NKAIN2: variants seen among roughly 807,000 people sequenced by gnomAD.
NKAIN2 encodes sodium/potassium transporting ATPase interacting 2, also known as sodium/potassium-transporting ATPase subunit beta-1-interacting protein 2.
NKAIN2 carries 14 observed loss-of-function variants against 32.6 expected under a neutral mutation model. The observed-to-expected ratio is 0.43, with a 90% confidence interval of 0.28 to 0.67. The LOEUF (loss-of-function observed/expected upper bound fraction) is 0.67, where lower values mean the gene tolerates loss of function less well. Ranked by LOEUF, NKAIN2 falls within the 30% of genes least tolerant of loss-of-function variation. The probability of loss-of-function intolerance (pLI) is 0.17; values close to 1 mark genes in which losing one functional copy is unlikely to be tolerated. For synonymous variants in NKAIN2, 80 were observed against 87.2 expected (o/e 0.92, Z 0.46); for missense variants, 198 against 258.3 (o/e 0.77, Z 1.60).
intron 3 of NKAIN2, among the ~76,000 whole-genome samples, chr6:124,357,236 C>A (rs1799025128): frequency 1.3e-5 from 2 of 151,702 alleles, no homozygotes; most frequent in Admixed American, 1.3e-4. Context: ...AACAAATAAC[C>A]TAAAAAAAAA....
intron 1 of NKAIN2, among the ~76,000 whole-genome samples, chr6:123,893,094 C>T (rs1369178794): frequency 6.6e-6 from 1 of 152,056 alleles, no homozygotes; most frequent in Non-Finnish European, 1.5e-5. Flanking sequence ...ACTGCTCTTT[C>T]ACTGAAACTC....
chr6:124,628,643 A>C (rs1382866108), intron 3 of NKAIN2, among the ~76,000 whole-genome samples: 1 of 151,954 alleles, frequency 6.6e-6, no homozygotes, highest in Non-Finnish European at 1.5e-5. Context: ...TCTAATTAGT[A>C]ATAAACAGAT....
At chr6:124,735,380 G>GA (rs1210718742) in intron 4 of NKAIN2, among the ~76,000 whole-genome samples, 2 of 151,812 alleles carry the variant, frequency 1.3e-5, no homozygotes, top group Admixed American at 6.6e-5. Context: ...AAGAATAAAT[G>GA]AAAAAATCTG....
chr6:124,437,871 G>GTTTTTTTTTTTTTTTTT (rs751652394), intron 3 of NKAIN2: 1 of 328,790 alleles, frequency 3.0e-6, no homozygotes, highest in African/African-American at 2.9e-5. Flanking sequence ...CTGATCTATT[G>GTTTTTTTTTTTTTTTTT]ATTTTTTTTT....
intron 1 of NKAIN2, among the ~76,000 whole-genome samples, chr6:123,867,695 C>CAA (rs1772609322): frequency 6.6e-6 from 1 of 152,150 alleles, no homozygotes; most frequent in African/African-American, 2.4e-5. Flanking sequence ...TGTACTTTGA[C>CAA]ACCTTTGTTT....
intron 2 of NKAIN2, among the ~76,000 whole-genome samples, chr6:124,304,569 C>T (rs369034023): frequency 7.9e-5 from 12 of 152,130 alleles, no homozygotes; most frequent in East Asian, 7.7e-4. Flanking sequence ...CAGAAATAAG[C>T]GAGTAGTGGT....
At chr6:124,651,625 G>A (rs970468211) in intron 3 of NKAIN2, among the ~76,000 whole-genome samples, 8 of 152,264 alleles carry the variant, frequency 5.3e-5, no homozygotes, top group African/African-American at 1.9e-4. Flanking sequence ...AGCCACAGCT[G>A]TGGGAGACAA....
intron 1 of NKAIN2, among the ~76,000 whole-genome samples, chr6:123,890,111 A>G (rs1192715927): frequency 3.3e-5 from 5 of 152,004 alleles, no homozygotes; most frequent in Admixed American, 6.6e-5. Flanking sequence ...GTTATCTCAT[A>G]CTGGCTTAAA....
intron 1 of NKAIN2, among the ~76,000 whole-genome samples, chr6:124,161,381 C>A (rs1409780853): frequency 6.6e-6 from 1 of 152,046 alleles, no homozygotes; most frequent in African/African-American, 2.4e-5. Context: ...CACACTAGGC[C>A]CCACCTCCAG....
At chr6:124,574,141 G>A (rs1781240184) in intron 3 of NKAIN2, among the ~76,000 whole-genome samples, 1 of 152,174 alleles carries the variant, frequency 6.6e-6, no homozygotes, top group Admixed American at 6.5e-5. Context: ...GGCAGCTGCA[G>A]GGCAACTGTT....
intron 3 of NKAIN2, among the ~76,000 whole-genome samples, chr6:124,577,393 T>C (rs79844356): frequency 0.058 from 8,796 of 152,038 alleles, 869 homozygotes; most frequent in African/African-American, 0.2. Flanking sequence ...ATCTGTGTGC[T>C]TGGGGGACAG....
chr6:124,818,328 G>A (rs1923727), intron 5 of NKAIN2, 59 bp from the exon 6 acceptor site: 2 of 833,570 alleles, frequency 2.4e-6, no homozygotes, highest in Non-Finnish European at 2.1e-6. Context: ...CTGTGTGGGT[G>A]CTTGATCATG....
intron 1 of NKAIN2, among the ~76,000 whole-genome samples, chr6:124,095,213 A>G (rs1784601855): frequency 6.6e-6 from 1 of 152,250 alleles, no homozygotes; most frequent in East Asian, 1.9e-4. Context: ...AGATGATTTT[A>G]GGCTTTTTAA....
chr6:124,542,170 T>C (rs79013322), intron 3 of NKAIN2, among the ~76,000 whole-genome samples: 2,100 of 152,202 alleles, frequency 0.014, 23 homozygotes, highest in Middle Eastern at 0.044. Flanking sequence ...ATTATCTATA[T>C]TTTTATATCT....
At chr6:124,430,759 T>A (rs1775183643) in intron 3 of NKAIN2, among the ~76,000 whole-genome samples, 1 of 152,282 alleles carries the variant, frequency 6.6e-6, no homozygotes, top group African/African-American at 2.4e-5. Flanking sequence ...TGAGAACAGT[T>A]ACAAAGACTC....
intron 1 of NKAIN2, among the ~76,000 whole-genome samples, chr6:124,047,446 CTCTA>C (rs1562327625): frequency 6.7e-6 from 1 of 149,164 alleles, no homozygotes; most frequent in East Asian, 2.0e-4. Flanking sequence ...CTCTCTCTCT[CTCTA>C]TATATATATA....
intron 3 of NKAIN2, among the ~76,000 whole-genome samples, chr6:124,575,294 A>G (rs1377592340): frequency 1.3e-5 from 2 of 152,112 alleles, no homozygotes; most frequent in African/African-American, 4.8e-5. Context: ...TCTATGTACA[A>G]TGTATGTTAT....
At chr6:124,758,787 A>G (rs1778082570) in intron 4 of NKAIN2, among the ~76,000 whole-genome samples, 3 of 152,168 alleles carry the variant, frequency 2.0e-5, no homozygotes, top group South Asian at 4.1e-4. Context: ...CCCAGAATTC[A>G]AAGCCTTGTA....
At chr6:124,140,181 C>T (rs906184682) in intron 1 of NKAIN2, among the ~76,000 whole-genome samples, 4 of 152,090 alleles carry the variant, frequency 2.6e-5, no homozygotes, top group Admixed American at 6.6e-5. Context: ...CAATCTTTGC[C>T]CCTGAGACCT....
Sources: gnomAD v4.1 joint callset for allele counts (sites outside exome capture counted in the v4.1 genomes callset) on GRCh38, gnomAD v4.1.1 for gene constraint, MANE v1.5 for transcripts, NCBI Gene and HGNC (gene_info 2026-07-23, HGNC 2026-07-21) for gene names.